DYNLRB1: variants seen among roughly 807,000 people sequenced by gnomAD.
DYNLRB1 encodes the protein ROBL/LC7-like 1.
DYNLRB1 carries 6 observed loss-of-function variants against 13.5 expected under a neutral mutation model. That is an observed-to-expected ratio of 0.44 (90% CI 0.24 to 0.88). The LOEUF is 0.88. Among genes scored for constraint, DYNLRB1 ranks in the 40% least tolerant of loss-of-function variants. DYNLRB1 has a pLI of 0.21. For synonymous variants in DYNLRB1, 43 were observed against 45.0 expected (o/e 0.96, Z 0.18); for missense variants, 93 against 127.2 (o/e 0.73, Z 1.29).
At chr20:34,537,212 G>A (rs775553103) in intron 3 of DYNLRB1, among the ~76,000 whole-genome samples, 1 of 152,174 alleles carries the variant, frequency 6.6e-6, no homozygotes, top group African/African-American at 2.4e-5. Context: ...AAGTCACACT[G>A]TCTCTCTCCC....
chr20:34,525,758 C>T (rs564678554), intron 1 of DYNLRB1, among the ~76,000 whole-genome samples: 23 of 152,234 alleles, frequency 1.5e-4, no homozygotes, highest in African/African-American at 5.5e-4. Context: ...TTAATGAGCC[C>T]CTTCCCAAGG....
At chr20:34,535,540 G>A (rs557672532) in intron 3 of DYNLRB1, 13 of 804,114 alleles carry the variant, frequency 1.6e-5, no homozygotes, top group South Asian at 5.6e-5. Context: ...TCTCCTGCCC[G>A]GCTCCCTCGC....
intron 1 of DYNLRB1, among the ~76,000 whole-genome samples, chr20:34,523,128 A>G (rs1179295853): frequency 6.6e-6 from 1 of 152,144 alleles, no homozygotes; most frequent in Non-Finnish European, 1.5e-5. Context: ...CTGATGTCAG[A>G]GAAGCCTCCT....
At position 34,534,790 on chromosome 20, in the gene DYNLRB1, C is replaced by T. The variant is rs1356852363; in HGVS notation, c.242C>T (p.Ala81Val). The change falls in exon 3 of 4, where the codon GCA (alanine) becomes GTA (valine). Residue 81 changes from alanine (A) to valine (V), a missense_variant. By Grantham distance (64) the Ala-to-Val change is moderately conservative. Coordinates refer to ENST00000357156, the MANE Select transcript of DYNLRB1 (RefSeq NM_014183.4). ...IRSKKNEIMV[A>V]PDKDYFLIVI... The stretch of plus-strand genomic sequence containing the variant: ...TCCAAGAAAAATGAAATTATGGTTG[C>T]ACCAGGTAAGGGGTCTTCTACCTCC... 4 of 1,613,956 alleles carry T rather than the reference C, an allele frequency of 2.5e-6. No individual in the cohort carries two copies. The highest frequency in any genetic ancestry group is 2.7e-5 in the African/African-American group (2 of 74,910).
intron 1 of DYNLRB1, chr20:34,516,920 T>C (rs761202966): frequency 4.9e-5 from 68 of 1,383,340 alleles, no homozygotes; most frequent in African/African-American, 7.6e-5. Context: ...ATATCTGTTA[T>C]TCAGCGCCCC....
chr20:34,524,973 T>C (rs1462663108), intron 1 of DYNLRB1, among the ~76,000 whole-genome samples: 2 of 152,108 alleles, frequency 1.3e-5, no homozygotes, highest in Non-Finnish European at 2.9e-5. Context: ...GATCCGCCCA[T>C]CTCGGCCTCC....
intron 1 of DYNLRB1, among the ~76,000 whole-genome samples, chr20:34,523,165 G>A (rs1979901306): frequency 6.6e-6 from 1 of 152,132 alleles, no homozygotes; most frequent in African/African-American, 2.4e-5. Flanking sequence ...AGTCCAAAGG[G>A]TTGGGAGGTA....
chr20:34,527,808 G>A (rs1337278030), intron 2 of DYNLRB1, among the ~76,000 whole-genome samples: 2 of 152,118 alleles, frequency 1.3e-5, no homozygotes, highest in African/African-American at 2.4e-5. Context: ...GTCTCCTTCC[G>A]AAGGCCTTCC....
At chr20:34,539,972 G>A (rs944129004) in intron 3 of DYNLRB1, among the ~76,000 whole-genome samples, 5 of 151,846 alleles carry the variant, frequency 3.3e-5, no homozygotes, top group African/African-American at 7.3e-5. Context: ...TCTGTCTCGC[G>A]GAGGGGAAAA....
intron 1 of DYNLRB1, among the ~76,000 whole-genome samples, chr20:34,524,616 A>G (rs566259604): frequency 1.3e-5 from 2 of 152,236 alleles, no homozygotes; most frequent in South Asian, 4.1e-4. Context: ...GTTGACTGAC[A>G]TTCGATCTCA....
chr20:34,536,689 G>A (rs1600554229), intron 3 of DYNLRB1, among the ~76,000 whole-genome samples: 5 of 150,940 alleles, frequency 3.3e-5, no homozygotes, highest in Admixed American at 3.3e-4. Flanking sequence ...AGCTTGCAGT[G>A]AGCTGAGATC....
At chr20:34,532,643 G>A (rs1326080767) in intron 2 of DYNLRB1, among the ~76,000 whole-genome samples, 2 of 152,148 alleles carry the variant, frequency 1.3e-5, no homozygotes, top group East Asian at 1.9e-4. Context: ...AAGGCTTTGC[G>A]GGGCCCTGCC....
intron 2 of DYNLRB1, among the ~76,000 whole-genome samples, chr20:34,527,088 TGTC>T (rs1166344069): frequency 6.6e-6 from 1 of 152,238 alleles, no homozygotes; most frequent in Admixed American, 6.5e-5. Flanking sequence ...GGTGCAGCCC[TGTC>T]GTCTGCATTT....
chr20:34,516,662 G>T, intron 1 of DYNLRB1: 1 of 1,460,812 alleles, frequency 6.8e-7, no homozygotes, highest in Non-Finnish European at 9.1e-7. Flanking sequence ...CGGGGCCGCC[G>T]GATCCCGCTG....
upstream of DYNLRB1, among the ~76,000 whole-genome samples, chr20:34,516,138 T>C (rs1389488558): frequency 6.6e-6 from 1 of 152,234 alleles, no homozygotes; most frequent in Non-Finnish European, 1.5e-5. Flanking sequence ...CAAGCAATCC[T>C]TCCGACTCGG....
At chr20:34,518,833 A>G (rs184219327) in intron 1 of DYNLRB1, among the ~76,000 whole-genome samples, 1 of 151,896 alleles carries the variant, frequency 6.6e-6, no homozygotes, top group African/African-American at 2.4e-5. Context: ...TAGAACCTGT[A>G]TTATGCTACT....
intron 1 of DYNLRB1, among the ~76,000 whole-genome samples, chr20:34,520,450 GGTTT>G (rs1450003905): frequency 6.6e-6 from 1 of 151,978 alleles, no homozygotes; most frequent in African/African-American, 2.4e-5. Context: ...ATTTCTTTTT[GGTTT>G]GTTTGTTTTA....
At chr20:34,517,401 A>G (rs989478971) in intron 1 of DYNLRB1, among the ~76,000 whole-genome samples, 2 of 152,120 alleles carry the variant, frequency 1.3e-5, no homozygotes, top group Non-Finnish European at 2.9e-5. Flanking sequence ...TCATTATTAC[A>G]CCACAATATC....
At position 34,532,596 on chromosome 20, in the gene DYNLRB1, C is replaced by T. The variant is rs149553463; in HGVS notation, c.80-2032C>T. On this transcript the variant is annotated intron_variant, in intron 2 of 3. Transcript: ENST00000357156. ...GTGGTTAGATTATAATGGACGCATTCATTACTGCCATCCTCAGGAAGCTTC... is the reference window on the plus strand; with the variant it reads ...GTGGTTAGATTATAATGGACGCATTTATTACTGCCATCCTCAGGAAGCTTC... Among the ~76,000 whole-genome samples the T allele has an allele frequency of 6.0e-3, 912 of 152,286 alleles. 5 individuals are homozygous for T. Among genetic ancestry groups the T allele is most frequent in the Middle Eastern group, 0.014 (4 of 294 alleles).
Sources: allele counts gnomAD v4.1 joint callset (sites outside exome capture counted in the v4.1 genomes callset), GRCh38; gene constraint gnomAD v4.1.1; transcripts MANE v1.5; gene names NCBI Gene and HGNC (gene_info 2026-07-23, HGNC 2026-07-21).